OR51B5: variants seen among roughly 807,000 people sequenced by gnomAD.
OR51B5 encodes the protein olfactory receptor family 51 subfamily B member 5, also known as olfactory receptor 51B5.
For synonymous variants in OR51B5, 186 were observed against 144.8 expected (o/e 1.28, Z -2.04); for missense variants, 456 against 374.6 (o/e 1.22, Z -1.79).
chr11:5,447,965 A>G (rs1178949165), intron 1 of OR51B5, among the ~76,000 whole-genome samples: 2 of 152,108 alleles, frequency 1.3e-5, no homozygotes, highest in African/African-American at 2.4e-5. Context: ...GAGACCCCAG[A>G]ATCACCTAAA....
chr11:5,435,465 C>T (rs1237527304), intron 1 of OR51B5, among the ~76,000 whole-genome samples: 1 of 131,518 alleles, frequency 7.6e-6, no homozygotes, highest in African/African-American at 2.6e-5. Flanking sequence ...CCCTACCAGA[C>T]CATAAATTCT....
At chr11:5,357,704 C>T (rs1477510147) in intron 1 of OR51B5, among the ~76,000 whole-genome samples, 1 of 150,626 alleles carries the variant, frequency 6.6e-6, no homozygotes, top group Non-Finnish European at 1.5e-5. Context: ...TTCAGCACCA[C>T]ACCACACCTA....
intron 1 of OR51B5, among the ~76,000 whole-genome samples, chr11:5,432,703 AT>A (rs1236687846): frequency 2.6e-5 from 4 of 152,178 alleles, no homozygotes; most frequent in Non-Finnish European, 5.9e-5. Context: ...TGAGTAAGAT[AT>A]TTTATTCTTA....
upstream of OR51B5, chr11:5,343,772 T>TAC (rs1564912563): frequency 1.0e-5 from 4 of 382,550 alleles, no homozygotes; most frequent in Admixed American, 4.1e-5. Flanking sequence ...TTCAACTGTT[T>TAC]ATATGCATTT....
At chr11:5,402,809 G>A (rs1258284761) in intron 1 of OR51B5, 2 of 471,616 alleles carry the variant, frequency 4.2e-6, no homozygotes, top group Admixed American at 4.7e-5. Context: ...TGTTGGCACT[G>A]GCCGAGGTTC....
intron 1 of OR51B5, among the ~76,000 whole-genome samples, chr11:5,371,772 A>T (rs1023051905): frequency 6.6e-6 from 1 of 152,142 alleles, no homozygotes; most frequent in Admixed American, 6.5e-5. Flanking sequence ...GTGTAAGGGC[A>T]TCTAACATCT....
At chr11:5,378,619 AAAAC>A (rs1044355706) in intron 1 of OR51B5, among the ~76,000 whole-genome samples, 66 of 152,224 alleles carry the variant, frequency 4.3e-4, no homozygotes, top group African/African-American at 1.4e-3. Context: ...TTACAAGAAA[AAAAC>A]AAACAGCCCC....
intron 1 of OR51B5, chr11:5,390,282 T>A (rs1452946828): frequency 2.5e-6 from 4 of 1,613,880 alleles, no homozygotes; most frequent in Non-Finnish European, 3.4e-6. Context: ...TACCTTTTTG[T>A]GCCTCCCATG....
At chr11:5,398,317 T>C (rs1194690755) in intron 1 of OR51B5, among the ~76,000 whole-genome samples, 2 of 152,234 alleles carry the variant, frequency 1.3e-5, no homozygotes, top group African/African-American at 4.8e-5. Context: ...CTTGTTTCCC[T>C]TAGGTTCTCT....
intron 1 of OR51B5, among the ~76,000 whole-genome samples, chr11:5,372,860 C>A (rs1849466368): frequency 6.6e-6 from 1 of 152,080 alleles, no homozygotes; most frequent in Non-Finnish European, 1.5e-5. Context: ...CCCCAAATGG[C>A]CAAAACAATC....
intron 1 of OR51B5, chr11:5,422,476 T>C (rs1377024515): frequency 1.2e-6 from 2 of 1,614,108 alleles, no homozygotes; most frequent in Non-Finnish European, 1.7e-6. Context: ...TCAACGTTCG[T>C]AGAATCAGCT....
chr11:5,431,573 G>A (rs376394699), intron 1 of OR51B5: 1 of 155,910 alleles, frequency 6.4e-6, no homozygotes, highest in East Asian at 1.9e-4. Flanking sequence ...CAGATAGGAG[G>A]TCAAGACTTT....
At chr11:5,455,872 C>G (rs1374869856) in intron 1 of OR51B5, 1 of 151,636 alleles carries the variant, frequency 6.6e-6, no homozygotes, top group African/African-American at 2.4e-5. Context: ...GTGTCCTGGC[C>G]CACTAAATAG....
At chr11:5,420,403 A>G (rs1398346706) in intron 1 of OR51B5, among the ~76,000 whole-genome samples, 1 of 152,036 alleles carries the variant, frequency 6.6e-6, no homozygotes. Context: ...ACATTGTTTT[A>G]TGCTTCTTTG....
chr11:5,477,637 G>T (rs1052180181), intron 1 of OR51B5, among the ~76,000 whole-genome samples: 2 of 152,108 alleles, frequency 1.3e-5, no homozygotes, highest in Admixed American at 6.5e-5. Context: ...GACAGTCGGC[G>T]CAGGTCAGTG....
At chr11:5,375,902 C>A (rs186787230) in intron 1 of OR51B5, among the ~76,000 whole-genome samples, 1 of 152,012 alleles carries the variant, frequency 6.6e-6, no homozygotes, top group African/African-American at 2.4e-5. Context: ...GACAGATCAA[C>A]GAGACAGAAA....
chr11:5,413,608 G>T (rs990682278), intron 1 of OR51B5, among the ~76,000 whole-genome samples: 1 of 152,186 alleles, frequency 6.6e-6, no homozygotes, highest in African/African-American at 2.4e-5. Flanking sequence ...GGAGCTGAAA[G>T]CCAAGGCTCG....
chr11:5,356,415 A>C (rs1849196177), intron 1 of OR51B5, among the ~76,000 whole-genome samples: 1 of 151,256 alleles, frequency 6.6e-6, no homozygotes. Flanking sequence ...GCAAGAAGAG[A>C]AGTTTAGAGA....
intron 1 of OR51B5, among the ~76,000 whole-genome samples, chr11:5,463,791 GTCTAAAGAGATA>G: frequency 6.6e-6 from 1 of 152,328 alleles, no homozygotes; most frequent in Admixed American, 6.5e-5. Flanking sequence ...GGAGAAACCT[GTCTAAAGAGATA>G]CAGGAGGGAT....
Sources: allele counts gnomAD v4.1 joint callset (sites outside exome capture counted in the v4.1 genomes callset), GRCh38; gene constraint gnomAD v4.1.1; transcripts MANE v1.5; gene names NCBI Gene and HGNC (gene_info 2026-07-23, HGNC 2026-07-21).